The following TUT7 variants were observed in gnomAD, a reference collection of about 807,000 sequenced individuals.
TUT7 encodes the protein terminal uridylyl transferase 7.
Under a neutral mutation model 165.9 loss-of-function variants are expected in TUT7, and 33 were observed. The ratio of observed to expected loss-of-function variants is 0.20; its 90% CI spans 0.15 to 0.27. TUT7 has a LOEUF of 0.27. TUT7 is among the 10% of genes least tolerant of loss of function. The pLI is 1.00. For synonymous variants in TUT7, 552 were observed against 608.1 expected (o/e 0.91, Z 1.36); for missense variants, 1,338 against 1,762.3 (o/e 0.76, Z 4.31).
Position 86,311,930 on chromosome 9 carries a change from T to C in TUT7, c.3275-1121A>G, listed in dbSNP as rs1006667672. Among the ~76,000 whole-genome samples the C allele has an allele frequency of 9.2e-5, 14 of 152,170 alleles. No individual in the cohort carries two copies. Among genetic ancestry groups the C allele is most frequent in the Non-Finnish European group, 1.9e-4 (13 of 68,020 alleles). The stretch of plus-strand genomic sequence containing the variant: ...GTCTCGTTCACTCAGTGCTCAATGG[T>C]GCCCAGGCTGGAGTGCAGTGGCGTG... On this transcript the variant is annotated intron_variant, in intron 17 of 26. Coordinates refer to ENST00000375963, the MANE Select transcript of TUT7 (RefSeq NM_024617.4). This position sits in a 1 kb window ranked among gnomAD's most constrained non-coding sequence, Gnocchi z 4.4.
Position 86,288,664 on chromosome 9 carries a change from C to T in TUT7, c.*13G>A. 1 of 1,612,534 alleles carries T rather than the reference C, an allele frequency of 6.2e-7. No individual in the cohort carries two copies. The highest frequency in any genetic ancestry group is 1.1e-5 in the South Asian group (1 of 90,992). ...GCCTGAGTGGCCATTTAGAGTGCTG[C>T]ATTTTCCTTCCCTCATGATTCCTGC... On this transcript the variant is annotated 3_prime_UTR_variant, in exon 27 of 27. Transcript: ENST00000375963.
intron 3 of TUT7, 86 bp from the exon 4 acceptor site, chr9:86,345,871 C>T: frequency 1.0e-6 from 1 of 988,356 alleles, no homozygotes. Context: ...AATGATTTCC[C>T]CTTCAATTTC....
At position 86,323,543 on chromosome 9, in the gene TUT7, T is replaced by C; in HGVS notation, c.2207A>G (p.Tyr736Cys). ...TGGATGGTATACTTTATCACCCTTG[T>C]AATCATCAGAGTTAACATCTGCTTG... The part of the protein sequence containing the change: ...CIQADVNSDD[Y>C]KGDKVYHPET... Residue 736 changes from tyrosine (Y) to cysteine (C), a missense_variant, in exon 13 of 27, where the codon TAC (tyrosine) becomes TGC (cysteine). This residue lies in a region of TUT7 where 425 missense variants were observed against 474.9 expected (regional missense o/e 0.89). Transcript: ENST00000375963. 1 of 1,614,244 alleles carries C rather than the reference T, an allele frequency of 6.2e-7. No homozygotes were observed.
chr9:86,335,825 G>A (rs1270109856), intron 10 of TUT7, among the ~76,000 whole-genome samples: 2 of 152,154 alleles, frequency 1.3e-5, no homozygotes, highest in Admixed American at 6.5e-5. Context: ...GTGCCTTAAT[G>A]GATCCAATGA....
intron 3 of TUT7, 52 bp downstream of exon 3, chr9:86,346,246 AT>A: frequency 6.4e-7 from 1 of 1,559,330 alleles, no homozygotes; most frequent in Non-Finnish European, 8.7e-7. Flanking sequence ...TAACAACAAA[AT>A]TGAGGCTAAA....
intron 23 of TUT7, 83 bp from the exon 24 acceptor site, chr9:86,305,030 T>C: frequency 8.1e-7 from 1 of 1,228,352 alleles, no homozygotes; most frequent in Non-Finnish European, 1.2e-6. Context: ...CTGGGCCTGG[T>C]GGCGCCTGTT....
chr9:86,334,049 G>A (rs748531681), intron 10 of TUT7, among the ~76,000 whole-genome samples: 16 of 152,162 alleles, frequency 1.1e-4, no homozygotes, highest in African/African-American at 2.2e-4. Flanking sequence ...CTTTTAGTGA[G>A]CTTGTGCCCC....
intron 25 of TUT7, 92 bp downstream of exon 25, chr9:86,302,994 A>G: frequency 1.7e-6 from 1 of 589,368 alleles, no homozygotes; most frequent in Non-Finnish European, 3.0e-6. Flanking sequence ...ATTTTACACA[A>G]GTGTATTTTC....
intron 24 of TUT7, among the ~76,000 whole-genome samples, chr9:86,303,865 G>A (rs545603526): frequency 3.9e-4 from 60 of 152,330 alleles, no homozygotes; most frequent in African/African-American, 1.4e-3. Context: ...AAGCACTGGT[G>A]TAGAAGCCAC....
chr9:86,344,681 G>A (rs1279057454), intron 5 of TUT7, among the ~76,000 whole-genome samples: 5 of 150,714 alleles, frequency 3.3e-5, no homozygotes, highest in African/African-American at 7.3e-5. Context: ...TTAGATGAGC[G>A]GAAAGGGAAA....
intron 12 of TUT7, among the ~76,000 whole-genome samples, 187 bp downstream of exon 12, chr9:86,325,147 T>C (rs1471059314): frequency 6.6e-6 from 1 of 152,182 alleles, no homozygotes; most frequent in African/African-American, 2.4e-5. Flanking sequence ...AAACCCAGGG[T>C]GAACAGTTTG....
chr9:86,350,688 A>G (rs1832202085), intron 2 of TUT7, among the ~76,000 whole-genome samples: 1 of 152,228 alleles, frequency 6.6e-6, no homozygotes, highest in Admixed American at 6.5e-5. Flanking sequence ...TTTTTGATAT[A>G]TTACAACAGA....
At chr9:86,339,075 T>A in intron 8 of TUT7, 126 bp from the exon 9 acceptor site, 2 of 900,594 alleles carry the variant, frequency 2.2e-6, no homozygotes, top group Non-Finnish European at 2.9e-6. Context: ...ATAAAAAGCT[T>A]AAAAGTGAAA....
chr9:86,353,903 A>G (rs1232420389), intron 1 of TUT7, among the ~76,000 whole-genome samples: 1 of 152,180 alleles, frequency 6.6e-6, no homozygotes, highest in Non-Finnish European at 1.5e-5. Context: ...AGGAACAGCA[A>G]TTCCCTGAGG....
intron 11 of TUT7, among the ~76,000 whole-genome samples, chr9:86,327,590 A>G (rs1248187278): frequency 6.6e-6 from 1 of 152,218 alleles, no homozygotes; most frequent in Non-Finnish European, 1.5e-5. Context: ...AGAAACAGAT[A>G]AAAGTGGTTC....
At chr9:86,307,971 G>A (rs1827674076) in intron 22 of TUT7, among the ~76,000 whole-genome samples, 2 of 152,138 alleles carry the variant, frequency 1.3e-5, no homozygotes, top group African/African-American at 4.8e-5. Flanking sequence ...TCCAGCCTGG[G>A]CAACAAGAGC....
At chr9:86,299,160 T>C (rs1826649032) in intron 26 of TUT7, among the ~76,000 whole-genome samples, 1 of 152,120 alleles carries the variant, frequency 6.6e-6, no homozygotes, top group South Asian at 2.1e-4. Context: ...AGTGAACAGA[T>C]GACAGACACG....
intron 21 of TUT7, 125 bp downstream of exon 21, chr9:86,309,086 AT>A: frequency 2.8e-4 from 173 of 611,936 alleles, no homozygotes; most frequent in Middle Eastern, 3.4e-4. Flanking sequence ...TGAAAACACT[AT>A]TTTTTTTACT....
rs145422978 is a variant in TUT7, at chr9:86,290,436, G to A, written c.4421-1692C>T. ...CCAGGGAATTCAGTAAGAAATTTCA[G>A]TCAAGAAGAAACAAAGTACTCTATT... On this transcript the variant is annotated intron_variant, in intron 26 of 26. Coordinates refer to ENST00000375963, the MANE Select transcript of TUT7 (RefSeq NM_024617.4). 1.1e-4 allele frequency among the ~76,000 whole-genome samples: 17 copies of A among 152,208 alleles called. No homozygotes were observed. In the East Asian group the frequency reaches 3.3e-3, roughly 29 times the overall value.
Sources: gnomAD v4.1 joint callset for allele counts (sites outside exome capture counted in the v4.1 genomes callset) on GRCh38, gnomAD v4.1.1 for gene constraint, gnomAD v4.1.1 regional missense constraint, Gnocchi (gnomAD v3.1) non-coding constraint, MANE v1.5 for transcripts, NCBI Gene and HGNC (gene_info 2026-07-23, HGNC 2026-07-21) for gene names.